The following GULP1 variants were observed in gnomAD, a reference collection of about 807,000 sequenced individuals.
The protein encoded by GULP1 is GULP PTB domain containing engulfment adaptor 1.
In GULP1, 19 loss-of-function variants were observed where a neutral mutation model predicts 40.9. The ratio of observed to expected loss-of-function variants is 0.46; its 90% CI spans 0.32 to 0.68. The LOEUF is 0.68. Ranked by LOEUF, GULP1 falls within the 30% of genes least tolerant of loss-of-function variation. The probability of loss-of-function intolerance (pLI) is 0.03; values close to 1 mark genes in which losing one functional copy is unlikely to be tolerated. For synonymous variants in GULP1, 119 were observed against 117.6 expected, an observed-to-expected ratio of 1.01 and a Z score of -0.08; for missense variants, 312 against 362.2, an observed-to-expected ratio of 0.86 and a Z score of 1.12.
At chr2:188,505,338 T>A (rs2153175641) in intron 4 of GULP1, among the ~76,000 whole-genome samples, 1 of 151,926 alleles carries the variant, frequency 6.6e-6, no homozygotes, top group South Asian at 2.1e-4. Flanking sequence ...GCTTTGAATT[T>A]CACATTATCA....
chr2:188,497,372 C>A (rs2062999250), intron 4 of GULP1, among the ~76,000 whole-genome samples: 1 of 151,904 alleles, frequency 6.6e-6, no homozygotes, highest in Non-Finnish European at 1.5e-5. Context: ...AACAACAGGA[C>A]ATTAATTGAC....
chr2:188,375,678 A>G (rs1399302098), intron 1 of GULP1, among the ~76,000 whole-genome samples: 2 of 152,356 alleles, frequency 1.3e-5, no homozygotes, highest in South Asian at 2.1e-4. Flanking sequence ...TAGATGTTGT[A>G]TAAATATTTT....
chr2:188,420,307 A>G (rs1213639743), intron 2 of GULP1, among the ~76,000 whole-genome samples: 2 of 152,232 alleles, frequency 1.3e-5, no homozygotes, highest in Non-Finnish European at 2.9e-5. Context: ...GTCTTTCAAT[A>G]AATACAGGAT....
At position 188,523,719 on chromosome 2, in the gene GULP1, A is replaced by G. The variant is rs1410551809; in HGVS notation, c.162+892A>G. On this transcript the variant is annotated intron_variant, in intron 5 of 11. Transcript: ENST00000409830. ...GGCAAAGTCAGAGACATTAAATGGT[A>G]TTACTTTGCTTTGAGAATATCATAT... 2.6e-5 allele frequency among the ~76,000 whole-genome samples: 4 copies of G among 152,270 alleles called. No homozygotes were observed. The East Asian group carries it at 7.7e-4, about 29-fold the overall frequency.
At chr2:188,488,540 C>G (rs946958217) in intron 4 of GULP1, among the ~76,000 whole-genome samples, 5 of 151,940 alleles carry the variant, frequency 3.3e-5, no homozygotes, top group Non-Finnish European at 5.9e-5. Context: ...TCATTACTAT[C>G]TCTTGAGAAT....
Position 188,488,293 on chromosome 2 carries a change from T to C in GULP1, c.90+4801T>C, listed in dbSNP as rs533929688. 5.3e-5 allele frequency among the ~76,000 whole-genome samples: 8 copies of C among 152,142 alleles called. No homozygotes were observed. In the East Asian group the frequency reaches 1.6e-3, roughly 29 times the overall value. The stretch of plus-strand genomic sequence containing the variant: ...GCAGCCATTTCTGGGTCAAACTATT[T>C]GGGTTCAAACTTCTCCTCTCTCAAC... On this transcript the variant is annotated intron_variant, in intron 4 of 11. Transcript: ENST00000409830.
chr2:188,483,984 G>A (rs1275909565), intron 4 of GULP1, among the ~76,000 whole-genome samples: 1 of 151,996 alleles, frequency 6.6e-6, no homozygotes, highest in African/African-American at 2.4e-5. Context: ...AGTGCACTGG[G>A]GAGATCTTGG....
chr2:188,348,800 A>AG (rs1430009892), intron 1 of GULP1, among the ~76,000 whole-genome samples: 1 of 152,168 alleles, frequency 6.6e-6, no homozygotes, highest in Non-Finnish European at 1.5e-5. Flanking sequence ...TGGTATCTGT[A>AG]GGGGGGCCCT....
At chr2:188,453,623 C>G (rs2059014536) in intron 2 of GULP1, among the ~76,000 whole-genome samples, 2 of 152,112 alleles carry the variant, frequency 1.3e-5, no homozygotes, top group African/African-American at 4.8e-5. Flanking sequence ...TAAATAATAA[C>G]AGTTATTGAC....
intron 2 of GULP1, among the ~76,000 whole-genome samples, chr2:188,429,963 C>T (rs527571593): frequency 3.9e-4 from 60 of 152,172 alleles, no homozygotes; most frequent in African/African-American, 1.3e-3. Flanking sequence ...CCTGCCTCGG[C>T]CTCCCAAAGT....
intron 1 of GULP1, among the ~76,000 whole-genome samples, chr2:188,324,390 C>A (rs548837071): frequency 2.0e-5 from 3 of 152,096 alleles, no homozygotes; most frequent in African/African-American, 7.2e-5. Context: ...ATATAAAATG[C>A]CCATAAACTT....
chr2:188,349,308 T>G lies in GULP1; in HGVS notation c.-171-34455T>G, dbSNP rs1368085685. On this transcript the variant is annotated intron_variant, in intron 1 of 11. Transcript: ENST00000409830. ...TATGGTAACTCTATGTTTAATATTT[T>G]GAGGGCCTGTCAAACTGTTTCCCAA... 7.2e-5 allele frequency among the ~76,000 whole-genome samples: 11 copies of G among 152,236 alleles called. No homozygotes were observed. The East Asian group carries it at 2.1e-3, about 29-fold the overall frequency.
At chr2:188,535,094 A>G (rs1274506269) in intron 6 of GULP1, among the ~76,000 whole-genome samples, 2 of 151,222 alleles carry the variant, frequency 1.3e-5, no homozygotes, top group African/African-American at 2.4e-5. Flanking sequence ...TAAAGTAATT[A>G]TTTAATGTTT....
intron 2 of GULP1, among the ~76,000 whole-genome samples, chr2:188,456,574 C>T (rs1028828214): frequency 6.6e-6 from 1 of 152,138 alleles, no homozygotes; most frequent in Non-Finnish European, 1.5e-5. Flanking sequence ...TATAGGAATG[C>T]CTGGATGCCC....
chr2:188,398,093 T>C (rs909030338), intron 2 of GULP1, among the ~76,000 whole-genome samples: 8 of 152,140 alleles, frequency 5.3e-5, no homozygotes, highest in Non-Finnish European at 1.2e-4. Flanking sequence ...ATTTAAAAGA[T>C]ACACACAGAG....
chr2:188,300,286 A>G (rs2035897529), intron 1 of GULP1, among the ~76,000 whole-genome samples: 2 of 152,208 alleles, frequency 1.3e-5, no homozygotes, highest in Non-Finnish European at 2.9e-5. Flanking sequence ...TCATATATAA[A>G]GAACAGATGT....
chr2:188,507,612 A>G (rs1410513759), intron 4 of GULP1, among the ~76,000 whole-genome samples: 1 of 151,904 alleles, frequency 6.6e-6, no homozygotes, highest in East Asian at 1.9e-4. Flanking sequence ...AATTAATCTC[A>G]GAATTGAGTC....
chr2:188,378,871 A>G (rs768534283), intron 1 of GULP1, among the ~76,000 whole-genome samples: 2 of 152,196 alleles, frequency 1.3e-5, no homozygotes, highest in Non-Finnish European at 2.9e-5. Flanking sequence ...TTGCATATGT[A>G]TAGTACAATT....
chr2:188,449,600 T>C (rs1431200026), intron 2 of GULP1, among the ~76,000 whole-genome samples: 2 of 152,004 alleles, frequency 1.3e-5, no homozygotes, highest in African/African-American at 4.8e-5. Flanking sequence ...TAGTATAGAG[T>C]ATGGAGTACA....
Sources: allele counts gnomAD v4.1 joint callset (sites outside exome capture counted in the v4.1 genomes callset), GRCh38; gene constraint gnomAD v4.1.1; transcripts MANE v1.5; gene names NCBI Gene and HGNC (gene_info 2026-07-23, HGNC 2026-07-21).